MYCBPAP: variants seen among roughly 807,000 people sequenced by gnomAD.
MYCBPAP encodes the protein MYCBP-associated protein.
Under a neutral mutation model 106.1 loss-of-function variants are expected in MYCBPAP, and 60 were observed. That is an observed-to-expected ratio of 0.57 (90% CI 0.46 to 0.70). MYCBPAP has a LOEUF of 0.70. MYCBPAP is among the 30% of genes least tolerant of loss of function. MYCBPAP has a pLI of 0.00. For missense variants in MYCBPAP, 1,064 were observed against 1,169.3 expected (o/e 0.91, Z 1.31); for synonymous variants, 407 against 440.6 (o/e 0.92, Z 0.95).
chr17:50,510,499 G>GTGTGTGTA (rs1418345705), intron 1 of MYCBPAP: 5 of 76,414 alleles, frequency 6.5e-5, no homozygotes, highest in African/African-American at 1.4e-4. Context: ...GTGTGTGTGT[G>GTGTGTGTA]TATATATATA....
intron 1 of MYCBPAP, among the ~76,000 whole-genome samples, chr17:50,511,644 C>T (rs559212561): frequency 5.9e-5 from 9 of 152,322 alleles, no homozygotes; most frequent in South Asian, 2.1e-4. Flanking sequence ...CTGACTACCC[C>T]GTGCAAGCGG....
rs544286537 is a variant in MYCBPAP, at chr17:50,514,629, A to G, written c.77-1941A>G. The stretch of plus-strand genomic sequence containing the variant: ...TGTGGCTGCCACAACGGACTCTTAA[A>G]TACATTCATACACTCATCCTCAGTC... On this transcript the variant is annotated intron_variant, in intron 1 of 18. Transcript: ENST00000323776. Among the ~76,000 whole-genome samples, 3 of 151,840 alleles carry G rather than the reference A, an allele frequency of 2.0e-5. No individual in the cohort carries two copies. In the South Asian group the frequency reaches 6.2e-4, roughly 31 times the overall value.
intron 10 of MYCBPAP, 87 bp from the exon 11 acceptor site, chr17:50,522,852 C>A: frequency 1.4e-6 from 2 of 1,381,604 alleles, no homozygotes; most frequent in Non-Finnish European, 9.9e-7. Flanking sequence ...AGTGCTAAAG[C>A]CAGAAAAGTC....
At position 50,526,140 on chromosome 17, in the gene MYCBPAP, A is replaced by G; in HGVS notation, c.2042A>G (p.Gln681Arg). The stretch of plus-strand genomic sequence containing the variant: ...GCCAGAGTGGGGACCAAGAGTCCTC[A>G]GCGGAAGAGCATCATGGAGGAGATC... ...QKARVGTKSP[Q>R]RKSIMEEILV... The change falls in exon 14 of 19, where the codon CAG becomes CGG. Residue 681 changes from glutamine to arginine, a missense_variant. Transcript: ENST00000323776. 1.9e-6 allele frequency: 3 copies of G among 1,613,766 alleles called. No homozygotes were observed. Among genetic ancestry groups the G allele is most frequent in the Non-Finnish European group, 2.5e-6 (3 of 1,179,954 alleles).
chr17:50,521,068 A>G (rs1321029408), intron 7 of MYCBPAP, 42 bp from the exon 8 acceptor site: 1 of 1,529,862 alleles, frequency 6.5e-7, no homozygotes, highest in African/African-American at 1.4e-5. Context: ...GCAAGGGGAC[A>G]TGGCAGCAGC....
chr17:50,528,504 C>A (rs530268733), intron 16 of MYCBPAP, among the ~76,000 whole-genome samples, 191 bp from the exon 17 acceptor site: 157 of 152,308 alleles, frequency 1.0e-3, no homozygotes, highest in Non-Finnish European at 1.4e-3. Flanking sequence ...TTATCCATGG[C>A]CATTCATGGC....
rs2034497144 is a variant in MYCBPAP, at chr17:50,527,411, A to G, written c.2291+3A>G. On this transcript the variant is annotated splice_donor_region_variant and intron_variant, in intron 15 of 18. Transcript: ENST00000323776. ...TCCAACCTCCTGCACCAGATGTGGT[A>G]GGTGCCCTGCCAGGAGAGCTGCCCC... The G allele has an allele frequency of 6.2e-7, 1 of 1,613,600 alleles. No homozygotes were observed. Among genetic ancestry groups the G allele is most frequent in the African/African-American group, 1.3e-5 (1 of 74,906 alleles).
rs776404407 is a variant in MYCBPAP, at chr17:50,523,665, A to G, written c.1516A>G (p.Arg506Gly). 12 of 1,614,212 alleles carry G rather than the reference A, an allele frequency of 7.4e-6. No homozygotes were observed. The highest frequency in any genetic ancestry group is 1.6e-4 in the Middle Eastern group (1 of 6,062). Residue 506 changes from arginine (R) to glycine (G), a missense_variant, in exon 12 of 19, where the codon AGG becomes GGG. Physicochemically the swap from Arg to Gly is moderately radical, Grantham distance 125. Transcript: ENST00000323776. ...FFKSLTAGVF[R>G]EFWEFRTHPT... ...CAAGTCTTTGACTGCTGGGGTCTTC[A>G]GGGAATTTTGGGAGTTTCGAACCCA...
At chr17:50,531,260 G>T (rs1255357215) in intron 18 of MYCBPAP, 67 bp from the exon 19 acceptor site, 2 of 982,462 alleles carry the variant, frequency 2.0e-6, no homozygotes, top group Non-Finnish European at 3.0e-6. Flanking sequence ...TTCTCTCACA[G>T]CATAGTTCAT....
chr17:50,517,204 C>A, intron 2 of MYCBPAP, 89 bp from the exon 3 acceptor site: 1 of 1,262,638 alleles, frequency 7.9e-7, no homozygotes, highest in Non-Finnish European at 1.2e-6. Context: ...CCTTCAGGAA[C>A]TCCACCCAGA....
At chr17:50,521,078 C>T in intron 7 of MYCBPAP, 32 bp from the exon 8 acceptor site, 1 of 1,567,362 alleles carries the variant, frequency 6.4e-7, no homozygotes, top group Non-Finnish European at 8.7e-7. Flanking sequence ...ATGGCAGCAG[C>T]CTGTGCTGAG....
chr17:50,512,767 ATTTAAC>A (rs1409026756), intron 1 of MYCBPAP, among the ~76,000 whole-genome samples: 2 of 152,192 alleles, frequency 1.3e-5, no homozygotes, highest in Admixed American at 1.3e-4. Context: ...TCGAGGAGCA[ATTTAAC>A]TTTAAGATAC....
intron 15 of MYCBPAP, 66 bp from the exon 16 acceptor site, chr17:50,528,089 A>G: frequency 2.9e-6 from 4 of 1,395,160 alleles, no homozygotes; most frequent in Non-Finnish European, 4.0e-6. Flanking sequence ...GGAGGGACCC[A>G]AGCCTCTGCA....
At chr17:50,527,021 CCT>C (rs1411358303) in intron 14 of MYCBPAP, among the ~76,000 whole-genome samples, 1 of 152,222 alleles carries the variant, frequency 6.6e-6, no homozygotes, top group Non-Finnish European at 1.5e-5. Flanking sequence ...AGCTGGGTTA[CCT>C]GTTTTTGTCT....
Position 50,523,727 on chromosome 17 carries a change from T to A in MYCBPAP, c.1578T>A (p.Asn526Lys). The A allele has an allele frequency of 6.2e-7, 1 of 1,614,114 alleles. No homozygotes were observed. Among genetic ancestry groups the A allele is most frequent in the Non-Finnish European group, 8.5e-7 (1 of 1,180,014 alleles). ...TLLGGAILQV[N>K]LHAVSLTQDV... The stretch of plus-strand genomic sequence containing the variant: ...TAGGAGGTGCTATACTGCAGGTCAA[T>A]CTCCACGCGGTCTCCCTGACCCAGG... Residue 526 changes from asparagine to lysine, a missense_variant, in exon 12 of 19, where the codon AAT becomes AAA. Coordinates refer to ENST00000323776, the MANE Select transcript of MYCBPAP (RefSeq NM_032133.6).
intron 16 of MYCBPAP, 61 bp from the exon 17 acceptor site, chr17:50,528,634 C>T (rs1334147073): frequency 1.3e-6 from 2 of 1,584,744 alleles, no homozygotes; most frequent in East Asian, 4.6e-5. Flanking sequence ...TCCTCACGTA[C>T]CTGCAGCATC....
Position 50,528,764 on chromosome 17 carries a change from G to A in MYCBPAP, c.2477G>A (p.Gly826Glu). Reference protein sequence around the residue: ...VGKAGKEERKGAAQEKKQLGI... With the variant: ...VGKAGKEERKEAAQEKKQLGI... ...AAAGCTGGGAAGGAGGAGCGGAAAG[G>A]AGCAGCCCAGGAAAAGAAGCAACTG... The change falls in exon 17 of 19, where the codon GGA (glycine) becomes GAA (glutamate). Residue 826 changes from glycine (G) to glutamate (E), a missense_variant. Gly to Glu is a moderately conservative substitution (Grantham distance 98). Transcript: ENST00000323776. The A allele has an allele frequency of 6.2e-7, 1 of 1,614,086 alleles. No individual in the cohort carries two copies. The highest frequency in any genetic ancestry group is 8.5e-7 in the Non-Finnish European group (1 of 1,180,022).
rs899621453 is a variant in MYCBPAP, at chr17:50,528,247, A to G, written c.2384A>G (p.Tyr795Cys). The change falls in exon 16 of 19, where the codon TAT (tyrosine) becomes TGT (cysteine). Residue 795 changes from tyrosine (Y) to cysteine (C), a missense_variant. Tyr to Cys is a radical substitution (Grantham distance 194). Coordinates refer to ENST00000323776, the MANE Select transcript of MYCBPAP (RefSeq NM_032133.6). ...VLGLPEKETI[Y>C]LNVPEEQDQK... ...GGCCTGCCTGAGAAGGAGACCATCT[A>G]TTTGAATGTGCCTGAAGAGCAAGGT... The G allele has an allele frequency of 1.9e-6, 3 of 1,613,906 alleles. No individual in the cohort carries two copies. The Admixed American group carries it at 5.0e-5, about 27-fold the overall frequency.
intron 14 of MYCBPAP, 30 bp from the exon 15 acceptor site, chr17:50,527,257 G>A (rs1453605059): frequency 6.2e-7 from 1 of 1,613,036 alleles, no homozygotes; most frequent in Admixed American, 1.7e-5. Context: ...TTGGTGTCCT[G>A]GTGCAGAATG....
Sources: allele counts gnomAD v4.1 joint callset (sites outside exome capture counted in the v4.1 genomes callset), GRCh38; gene constraint gnomAD v4.1.1; transcripts MANE v1.5; gene names NCBI Gene and HGNC (gene_info 2026-07-23, HGNC 2026-07-21).